The following ATF2 variants were observed in gnomAD, a reference collection of about 807,000 sequenced individuals.
ATF2 encodes activating transcription factor 2, also known as cyclic AMP-dependent transcription factor ATF-2.
In ATF2, 24 loss-of-function variants were observed where a neutral mutation model predicts 60.6. That is an observed-to-expected ratio of 0.40 (90% CI 0.29 to 0.56). The LOEUF (loss-of-function observed/expected upper bound fraction) is 0.56. ATF2 is among the 20% of genes least tolerant of loss of function. ATF2 has a pLI of 0.54. For synonymous variants in ATF2, 206 were observed against 215.4 expected (o/e 0.96, Z 0.38); for missense variants, 433 against 607.7 (o/e 0.71, Z 3.02).
chr2:175,094,419 A>G (rs867595845), intron 11 of ATF2, among the ~76,000 whole-genome samples: 6 of 138,670 alleles, frequency 4.3e-5, no homozygotes, highest in African/African-American at 8.5e-5. Flanking sequence ...AAAAAAAAAA[A>G]AAAAAAAAAA....
At chr2:175,099,260 C>T (rs946533811) in intron 10 of ATF2, among the ~76,000 whole-genome samples, 1 of 151,942 alleles carries the variant, frequency 6.6e-6, no homozygotes, top group South Asian at 2.1e-4. Context: ...CATGCCACCA[C>T]GACCGGCTCA....
rs1491203768 is a variant in ATF2, at chr2:175,109,167, A to AT, written c.828+2400dup. Among the ~76,000 whole-genome samples, 50 of 104,948 alleles carry AT rather than the reference A, an allele frequency of 4.8e-4. 3 individuals carry two copies. The South Asian group carries it at 0.013, about 28-fold the overall frequency. 68.8% of individuals were successfully genotyped at this position (104,948 alleles called of 152,430 possible). ...TGTGAGAAACACCCAAGAATGATCA[A>AT]TAAAAAAAAAAAAAAAAAAAAAAAA... On this transcript the variant is annotated intron_variant, in intron 10 of 13. Coordinates refer to ENST00000264110, the MANE Select transcript of ATF2 (RefSeq NM_001880.4).
intron 10 of ATF2, among the ~76,000 whole-genome samples, chr2:175,100,908 C>T (rs893950014): frequency 6.6e-6 from 1 of 152,150 alleles, no homozygotes; most frequent in African/African-American, 2.4e-5. Flanking sequence ...CTCCTTTGTT[C>T]AGTGTACTCT....
At chr2:175,111,307 A>C (rs1360860821) in intron 10 of ATF2, among the ~76,000 whole-genome samples, 2 of 152,204 alleles carry the variant, frequency 1.3e-5, no homozygotes, top group Non-Finnish European at 2.9e-5. Flanking sequence ...GGAGGAGAAA[A>C]AGCCACAAGA....
chr2:175,095,104 CT>C (rs914424296), intron 11 of ATF2, among the ~76,000 whole-genome samples: 35 of 145,306 alleles, frequency 2.4e-4, no homozygotes, highest in Non-Finnish European at 2.9e-4. Context: ...TTTTCTTTTT[CT>C]TTTTTTTTTT....
chr2:175,124,682 C>T (rs1312757856), intron 4 of ATF2, among the ~76,000 whole-genome samples: 1 of 151,140 alleles, frequency 6.6e-6, no homozygotes, highest in African/African-American at 2.5e-5. Flanking sequence ...CACACACGCA[C>T]ACACTCCCAC....
intron 2 of ATF2, 126 bp downstream of exon 2, chr2:175,150,934 C>T (rs1239263483): frequency 6.6e-6 from 1 of 152,442 alleles, no homozygotes; most frequent in Non-Finnish European, 1.5e-5. Flanking sequence ...TAAACACTAT[C>T]AATACGGTAG....
chr2:175,103,923 TG>T (rs753418928), intron 10 of ATF2, among the ~76,000 whole-genome samples: 2 of 152,178 alleles, frequency 1.3e-5, no homozygotes, highest in East Asian at 3.8e-4. Context: ...GGAATTTTTC[TG>T]TTGTATTAAA....
intron 5 of ATF2, among the ~76,000 whole-genome samples, chr2:175,121,233 G>A (rs1696935911): frequency 6.6e-6 from 1 of 151,652 alleles, no homozygotes; most frequent in Non-Finnish European, 1.5e-5. Flanking sequence ...AATCGACATT[G>A]GAATATAAAT....
At chr2:175,093,373 T>C in intron 11 of ATF2, 106 bp from the exon 12 acceptor site, 1 of 1,108,086 alleles carries the variant, frequency 9.0e-7, no homozygotes, top group Non-Finnish European at 1.3e-6. Flanking sequence ...TTTCTAAGTC[T>C]TGTTGAATAC....
At chr2:175,107,079 C>A (rs987296175) in intron 10 of ATF2, among the ~76,000 whole-genome samples, 1 of 151,916 alleles carries the variant, frequency 6.6e-6, no homozygotes, top group African/African-American at 2.4e-5. Flanking sequence ...GAGCCAAGAT[C>A]ATGCCACAAC....
intron 11 of ATF2, among the ~76,000 whole-genome samples, chr2:175,096,464 A>G (rs1414629702): frequency 1.3e-5 from 2 of 152,212 alleles, no homozygotes; most frequent in Non-Finnish European, 2.9e-5. Context: ...TCTCTAAAAG[A>G]CTTCTGATTA....
intron 2 of ATF2, among the ~76,000 whole-genome samples, chr2:175,145,056 T>C (rs1698851440): frequency 6.6e-6 from 1 of 152,232 alleles, no homozygotes; most frequent in Non-Finnish European, 1.5e-5. Flanking sequence ...CATTTGAAGA[T>C]ACTAATGGTA....
chr2:175,142,286 A>G (rs769502167), intron 2 of ATF2, among the ~76,000 whole-genome samples: 2 of 151,572 alleles, frequency 1.3e-5, no homozygotes, highest in Non-Finnish European at 2.9e-5. Flanking sequence ...GCCAGGTTCA[A>G]GCCTCCAGAG....
chr2:175,086,288 A>G (rs1242869966), intron 12 of ATF2, among the ~76,000 whole-genome samples: 1 of 152,198 alleles, frequency 6.6e-6, no homozygotes, highest in Non-Finnish European at 1.5e-5. Flanking sequence ...TATCACCACT[A>G]GATTAAAAGC....
chr2:175,099,324 G>A (rs890440484), intron 10 of ATF2, among the ~76,000 whole-genome samples: 15 of 151,980 alleles, frequency 9.9e-5, no homozygotes, highest in African/African-American at 2.2e-4. Flanking sequence ...GGCTGGTCTT[G>A]AACTCCTGAC....
intron 11 of ATF2, among the ~76,000 whole-genome samples, chr2:175,094,907 T>C (rs529569621): frequency 6.6e-6 from 1 of 152,244 alleles, no homozygotes; most frequent in African/African-American, 2.4e-5. Context: ...CGCACCACTG[T>C]ACTCCGCATG....
intron 8 of ATF2, 91 bp downstream of exon 8, chr2:175,114,599 C>G (rs1170224081): frequency 1.3e-6 from 2 of 1,523,514 alleles, no homozygotes; most frequent in Admixed American, 3.9e-5. Context: ...AAACTAAGAT[C>G]TTAGTTTGAA....
rs567266181 is a variant in ATF2, at chr2:175,084,553, G to C, written c.1186-3788C>G. Among the ~76,000 whole-genome samples the C allele has an allele frequency of 4.8e-5, 7 of 146,800 alleles. No individual in the cohort carries two copies. In the South Asian group the frequency reaches 1.3e-3, roughly 27 times the overall value. ...AGATATACCTAATGCTAAATGACGA[G>C]TTAATGGGTACAGCACACCAGCATG... On this transcript the variant is annotated intron_variant, in intron 12 of 13. Transcript: ENST00000264110.
Sources: gnomAD v4.1 joint callset for allele counts (sites outside exome capture counted in the v4.1 genomes callset) on GRCh38, gnomAD v4.1.1 for gene constraint, MANE v1.5 for transcripts, NCBI Gene and HGNC (gene_info 2026-07-23, HGNC 2026-07-21) for gene names.